Variants in EDNRB observed in about 807,000 individuals in gnomAD.
EDNRB encodes the protein endothelin receptor type B.
EDNRB carries 18 observed loss-of-function variants against 46.4 expected under a neutral mutation model. The observed-to-expected ratio is 0.39, with a 90% confidence interval of 0.27 to 0.57. The LOEUF is 0.57. Among genes scored for constraint, EDNRB ranks in the 20% least tolerant of loss-of-function variants. EDNRB has a pLI of 0.61. For missense variants in EDNRB, 434 were observed against 537.5 expected (o/e 0.81, Z 1.90); for synonymous variants, 213 against 204.9 (o/e 1.04, Z -0.34).
At chr13:77,914,302 C>T (rs577666603) in intron 1 of EDNRB, among the ~76,000 whole-genome samples, 4 of 152,344 alleles carry the variant, frequency 2.6e-5, no homozygotes, top group African/African-American at 9.6e-5. Flanking sequence ...CACATACACA[C>T]ACATACACAC....
intron 1 of EDNRB, among the ~76,000 whole-genome samples, chr13:77,936,032 C>G (rs1320110417): frequency 2.0e-5 from 3 of 152,152 alleles, no homozygotes; most frequent in African/African-American, 7.2e-5. Flanking sequence ...TGAGTGATAA[C>G]AGGCTTTCAT....
intron 1 of EDNRB, among the ~76,000 whole-genome samples, chr13:77,949,499 G>C (rs1881028528): frequency 6.6e-6 from 1 of 152,052 alleles, no homozygotes; most frequent in Non-Finnish European, 1.5e-5. Context: ...GCTTTCTCCT[G>C]CACCTTTTGC....
intron 1 of EDNRB, among the ~76,000 whole-genome samples, chr13:77,934,977 G>A (rs1278514481): frequency 6.8e-6 from 1 of 146,350 alleles, no homozygotes; most frequent in Non-Finnish European, 1.5e-5. Flanking sequence ...GGTCAGGTGT[G>A]GTATCAGGAA....
chr13:77,925,084 A>C (rs7323156), intron 1 of EDNRB, among the ~76,000 whole-genome samples: 15,647 of 152,242 alleles, frequency 0.1, 893 homozygotes, highest in Middle Eastern at 0.18. Flanking sequence ...AGCAACCACC[A>C]TTTTAATTTC....
chr13:77,916,417 A>T (rs1879807314), intron 1 of EDNRB, among the ~76,000 whole-genome samples: 1 of 152,168 alleles, frequency 6.6e-6, no homozygotes. Flanking sequence ...GCATTTAGAG[A>T]TTCAATTTCA....
At chr13:77,919,249 T>C (rs1413272170), upstream of EDNRB, 2 of 844,326 alleles carry the variant, frequency 2.4e-6, no homozygotes, top group East Asian at 2.7e-5. Context: ...ACACTCGCGC[T>C]CCTTCCTTTA....
intron 1 of EDNRB, among the ~76,000 whole-genome samples, chr13:77,949,828 A>G: frequency 6.6e-6 from 1 of 152,150 alleles, no homozygotes; most frequent in Middle Eastern, 3.2e-3. Context: ...AAACAAAACT[A>G]GATTTTCCTC....
At chr13:77,928,748 G>T (rs1246868096) in intron 1 of EDNRB, among the ~76,000 whole-genome samples, 3 of 152,124 alleles carry the variant, frequency 2.0e-5, no homozygotes, top group Non-Finnish European at 1.5e-5. Flanking sequence ...TTACTCTAGG[G>T]AAAAGCTGAA....
intron 1 of EDNRB, chr13:77,947,711 C>T (rs1880970354): frequency 6.6e-6 from 1 of 152,132 alleles, no homozygotes; most frequent in Non-Finnish European, 1.5e-5. Flanking sequence ...TGGGCTCAAG[C>T]AATCCTCCTG....
intron 1 of EDNRB, among the ~76,000 whole-genome samples, chr13:77,942,491 A>G (rs1205878148): frequency 6.6e-6 from 1 of 152,174 alleles, no homozygotes; most frequent in Non-Finnish European, 1.5e-5. Flanking sequence ...TAGATTATAC[A>G]TACTTCTCAG....
intron 1 of EDNRB, among the ~76,000 whole-genome samples, chr13:77,938,411 G>A (rs1325292760): frequency 6.6e-6 from 1 of 150,934 alleles, no homozygotes; most frequent in Non-Finnish European, 1.5e-5. Flanking sequence ...AAGGGGTAGA[G>A]ACACAGAAAG....
chr13:77,963,881 G>A (rs1002340197), intron 1 of EDNRB, among the ~76,000 whole-genome samples: 1 of 152,002 alleles, frequency 6.6e-6, no homozygotes, highest in Non-Finnish European at 1.5e-5. Context: ...TCTGACAAAG[G>A]GCTAATATCC....
chr13:77,926,246 CAA>C (rs1394618399), intron 1 of EDNRB, among the ~76,000 whole-genome samples: 1 of 152,082 alleles, frequency 6.6e-6, no homozygotes, highest in African/African-American at 2.4e-5. Context: ...AATGTATCCT[CAA>C]AAAATGGAGG....
At position 77,898,147 on chromosome 13, in the gene EDNRB, T is replaced by G. The variant is rs1331917806; in HGVS notation, c.*53A>C. 6 of 1,596,908 alleles carry G rather than the reference T, an allele frequency of 3.8e-6. No individual in the cohort carries two copies. In the East Asian group the frequency reaches 1.4e-4, roughly 36 times the overall value. ...TTTTGGCAAATGTTTCATTTTGTTTTAATGACTTCGGTCCAATATAAAGAA... is the reference window on the plus strand; with the variant it reads ...TTTTGGCAAATGTTTCATTTTGTTTGAATGACTTCGGTCCAATATAAAGAA... On this transcript the variant is annotated 3_prime_UTR_variant, in exon 7 of 7. Transcript: ENST00000646607.
intron 1 of EDNRB, among the ~76,000 whole-genome samples, chr13:77,970,282 CT>C (rs1306153844): frequency 6.6e-6 from 1 of 152,082 alleles, no homozygotes; most frequent in Non-Finnish European, 1.5e-5. Flanking sequence ...TTCCAGACCC[CT>C]GGTGGTATTT....
chr13:77,967,211 A>T (rs1881607037), intron 1 of EDNRB, among the ~76,000 whole-genome samples: 1 of 152,202 alleles, frequency 6.6e-6, no homozygotes, highest in Non-Finnish European at 1.5e-5. Flanking sequence ...AATGTGGAAG[A>T]TACTGTAGGT....
chr13:77,897,665 A>G lies in EDNRB; in HGVS notation c.*535T>C. ...ATTTAAATGTTTCCAGTGTCCGAAA[A>G]ATGCAACAACTAAACTGCTCTCTCA... On this transcript the variant is annotated 3_prime_UTR_variant, in exon 7 of 7. Transcript: ENST00000646607. The G allele has an allele frequency of 1.0e-6, 1 of 986,494 alleles. No individual in the cohort carries two copies. The highest frequency in any genetic ancestry group is 1.2e-6 in the Non-Finnish European group (1 of 830,808). The allele number at this position is 986,494 out of a possible 1,614,324, so 61.1% of individuals were successfully genotyped here.
chr13:77,969,349 A>G (rs968428948), intron 1 of EDNRB, among the ~76,000 whole-genome samples: 3 of 152,280 alleles, frequency 2.0e-5, no homozygotes, highest in African/African-American at 7.2e-5. Flanking sequence ...GTTTTTTCCA[A>G]TAGAGTAAGG....
intron 1 of EDNRB, among the ~76,000 whole-genome samples, chr13:77,960,108 C>T (rs923026193): frequency 6.6e-6 from 1 of 152,170 alleles, no homozygotes; most frequent in African/African-American, 2.4e-5. Context: ...AGTTGGAAAA[C>T]ACTCTGCAGA....
Sources: gnomAD v4.1 joint callset for allele counts (sites outside exome capture counted in the v4.1 genomes callset) on GRCh38, gnomAD v4.1.1 for gene constraint, MANE v1.5 for transcripts, NCBI Gene and HGNC (gene_info 2026-07-23, HGNC 2026-07-21) for gene names.